CD9: variants seen among roughly 807,000 people sequenced by gnomAD.
CD9 encodes CD9 antigen.
A neutral mutation model predicts 31.4 loss-of-function variants in CD9; 10 were observed. That is an observed-to-expected ratio of 0.32 (90% confidence interval 0.20 to 0.54). The LOEUF is 0.54. Among genes scored for constraint, CD9 ranks in the 20% least tolerant of loss-of-function variants. The pLI, the probability that CD9 is intolerant of heterozygous loss-of-function variation, is 0.94. For missense variants in CD9, 259 were observed against 300.1 expected (o/e 0.86, Z 1.01); for synonymous variants, 113 against 114.1 (o/e 0.99, Z 0.06).
At chr12:6,213,354 T>C (rs1181515940) in intron 1 of CD9, among the ~76,000 whole-genome samples, 1 of 152,232 alleles carries the variant, frequency 6.6e-6, no homozygotes, top group African/African-American at 2.4e-5. Flanking sequence ...AGGACGTATC[T>C]TTCCACCTGT....
chr12:6,220,023 C>T (rs1361274704), intron 1 of CD9, among the ~76,000 whole-genome samples: 7 of 152,200 alleles, frequency 4.6e-5, no homozygotes, highest in Non-Finnish European at 8.8e-5. Flanking sequence ...CCCTGGACCT[C>T]AAGGAGCTTG....
At chr12:6,234,599 TGGTGAGCATCAAAGG>T (rs1205232657) in intron 4 of CD9, 1 of 152,216 alleles carries the variant, frequency 6.6e-6, no homozygotes, top group Non-Finnish European at 1.5e-5. Context: ...TAACTGGATG[TGGTGAGCATCAAAGG>T]GGCAGACAGA....
At chr12:6,210,216 CT>C (rs1946179992) in intron 1 of CD9, among the ~76,000 whole-genome samples, 2 of 152,166 alleles carry the variant, frequency 1.3e-5, no homozygotes, top group African/African-American at 4.8e-5. Flanking sequence ...CACTCTGGGG[CT>C]GTTTTCACGG....
chr12:6,207,851 A>G (rs1946149955), intron 1 of CD9, among the ~76,000 whole-genome samples: 1 of 152,254 alleles, frequency 6.6e-6, no homozygotes, highest in Non-Finnish European at 1.5e-5. Flanking sequence ...CCGGGTCTTA[A>G]GAGCCCTTCC....
intron 1 of CD9, among the ~76,000 whole-genome samples, chr12:6,223,384 C>T (rs900318893): frequency 2.6e-5 from 4 of 152,032 alleles, no homozygotes; most frequent in African/African-American, 7.2e-5. Context: ...GCCTCAGCCT[C>T]TGGAGTAGCT....
chr12:6,227,469 A>T (rs1005202052), intron 2 of CD9, among the ~76,000 whole-genome samples: 9 of 152,130 alleles, frequency 5.9e-5, no homozygotes, highest in Non-Finnish European at 1.3e-4. Flanking sequence ...AAGTGATGGG[A>T]TGACAGGCGT....
chr12:6,211,447 T>C (rs890293178), intron 1 of CD9, among the ~76,000 whole-genome samples: 1 of 152,166 alleles, frequency 6.6e-6, no homozygotes, highest in Non-Finnish European at 1.5e-5. Flanking sequence ...CACCAAGCGG[T>C]GCCGGAAGTG....
chr12:6,234,081 C>T (rs1020260957), intron 4 of CD9, among the ~76,000 whole-genome samples: 1 of 151,286 alleles, frequency 6.6e-6, no homozygotes, highest in African/African-American at 2.4e-5. Context: ...CTTTTGGCTT[C>T]ATAGAGAAGG....
chr12:6,228,040 G>C (rs1946392054), intron 2 of CD9, among the ~76,000 whole-genome samples: 1 of 152,194 alleles, frequency 6.6e-6, no homozygotes, highest in African/African-American at 2.4e-5. Flanking sequence ...TGACCAGGAG[G>C]GTGATTTGAA....
At chr12:6,214,973 C>T (rs1471464303) in intron 1 of CD9, among the ~76,000 whole-genome samples, 1 of 152,132 alleles carries the variant, frequency 6.6e-6, no homozygotes, top group East Asian at 1.9e-4. Flanking sequence ...GTTGTCCAGC[C>T]GTTCTCTCTC....
At chr12:6,209,263 C>T (rs1186159582) in intron 1 of CD9, among the ~76,000 whole-genome samples, 1 of 152,132 alleles carries the variant, frequency 6.6e-6, no homozygotes, top group African/African-American at 2.4e-5. Context: ...CCGGGCTCGT[C>T]GTAGCTTTTC....
intron 1 of CD9, among the ~76,000 whole-genome samples, chr12:6,222,716 C>T (rs1243151677): frequency 6.6e-6 from 1 of 152,206 alleles, no homozygotes; most frequent in Admixed American, 6.5e-5. Flanking sequence ...GACATTGGGG[C>T]TCTCTATAAG....
rs560360408 is a variant in CD9, at chr12:6,236,440, C to T, written c.621+165C>T. Reference sequence around the variant, plus strand: ...CTAGGGAATGGAGAGACAGAGAGGCCGATGTTCTGATCAAAGCCTCTCACC... The same window carrying T: ...CTAGGGAATGGAGAGACAGAGAGGCTGATGTTCTGATCAAAGCCTCTCACC... On this transcript the variant is annotated intron_variant, in intron 7 of 7. Transcript: ENST00000009180. The T allele has an allele frequency of 6.7e-5, 43 of 642,952 alleles. No homozygotes were observed. The East Asian group carries it at 7.4e-4, about 11-fold the overall frequency. The allele number at this position is 642,952 out of a possible 1,614,324, so 39.8% of individuals were successfully genotyped here. A position where few individuals can be genotyped will look rare whatever the true frequency, so the allele number is the denominator to read the frequency against.
intron 6 of CD9, 33 bp from the exon 7 acceptor site, chr12:6,236,159 T>C: frequency 1.2e-6 from 2 of 1,613,320 alleles, no homozygotes; most frequent in Non-Finnish European, 1.7e-6. Context: ...GGAAGGATTG[T>C]GTGTGACCCA....
intron 2 of CD9, among the ~76,000 whole-genome samples, chr12:6,231,871 C>T (rs1032019791): frequency 6.6e-6 from 1 of 152,184 alleles, no homozygotes; most frequent in Middle Eastern, 3.2e-3. Flanking sequence ...TTTCCAGGAA[C>T]ATACCTCTTT....
chr12:6,233,321 G>T (rs894901408), intron 3 of CD9, 91 bp from the exon 4 acceptor site: 5 of 902,070 alleles, frequency 5.5e-6, no homozygotes, highest in Non-Finnish European at 7.4e-6. Flanking sequence ...TTCCCAGGGA[G>T]TTGTCCTTCT....
intron 1 of CD9, among the ~76,000 whole-genome samples, chr12:6,213,032 A>T (rs552009407): frequency 2.0e-5 from 3 of 152,176 alleles, no homozygotes; most frequent in Non-Finnish European, 4.4e-5. Flanking sequence ...CTTAAGCCTT[A>T]CTTTCCTTAT....
chr12:6,205,243 C>T (rs1023672027), intron 1 of CD9, among the ~76,000 whole-genome samples: 6 of 152,198 alleles, frequency 3.9e-5, no homozygotes, highest in Admixed American at 3.9e-4. Context: ...TTCCTTTGCC[C>T]AGGATTTTGA....
chr12:6,232,675 G>A lies in CD9; in HGVS notation c.219G>A (p.Val73=). ...LIGAGALMML[V]GFLGCCGAVQ... is the part of the protein sequence containing the mutation. ...GAGCCGGCGCCCTCATGATGCTGGT[G>A]GGCTTCCTGGGCTGCTGCGGGGCTG... The change falls in exon 3 of 8, where the codon GTG becomes GTA. Residue 73 remains valine (V), a synonymous_variant. Transcript: ENST00000009180. The surrounding 1 kb of genome is among the most constrained non-coding windows in gnomAD (Gnocchi z 4.8). 1.3e-6 allele frequency: 2 copies of A among 1,581,570 alleles called. No individual in the cohort carries two copies. Among genetic ancestry groups the A allele is most frequent in the South Asian group, 1.2e-5 (1 of 86,772 alleles).
Sources: allele counts gnomAD v4.1 joint callset (sites outside exome capture counted in the v4.1 genomes callset), GRCh38; gene constraint gnomAD v4.1.1; non-coding constraint Gnocchi (gnomAD v3.1); transcripts MANE v1.5; gene names NCBI Gene and HGNC (gene_info 2026-07-23, HGNC 2026-07-21).